The following OSBPL10 variants were observed in gnomAD, a reference collection of about 807,000 sequenced individuals.
OSBPL10 encodes the protein oxysterol binding protein like 10.
A neutral mutation model predicts 81.7 loss-of-function variants in OSBPL10; 49 were observed. The ratio of observed to expected loss-of-function variants is 0.60; its 90% CI spans 0.48 to 0.76. The LOEUF (loss-of-function observed/expected upper bound fraction) is 0.76, where lower values mean the gene tolerates loss of function less well. Ranked by LOEUF, OSBPL10 falls within the 30% of genes least tolerant of loss-of-function variation. The pLI is 0.00. For synonymous variants in OSBPL10, 419 were observed against 383.6 expected (o/e 1.09, Z -1.08); for missense variants, 923 against 987.8 (o/e 0.93, Z 0.88).
chr3:31,770,729 T>C (rs918152614), intron 4 of OSBPL10, among the ~76,000 whole-genome samples: 1 of 152,026 alleles, frequency 6.6e-6, no homozygotes, highest in Non-Finnish European at 1.5e-5. Flanking sequence ...GAGGTTGCGG[T>C]GAACCAAGAT....
At chr3:32,037,348 CT>C (rs1559553186) in intron 2 of OSBPL10, among the ~76,000 whole-genome samples, 1 of 152,160 alleles carries the variant, frequency 6.6e-6, no homozygotes, top group African/African-American at 2.4e-5. Flanking sequence ...AGTTTTGCTT[CT>C]TTCAGAAAGC....
rs1234590800 is a variant in OSBPL10, at chr3:32,065,856, C to T, written n.185+11540G>A. 7.0e-5 allele frequency among the ~76,000 whole-genome samples: 6 copies of T among 85,132 alleles called. 2 individuals carry two copies. The highest frequency in any genetic ancestry group is 1.8e-4 in the African/African-American group (6 of 33,338). The allele number at this position is 85,132 out of a possible 152,430, so 55.8% of individuals were successfully genotyped here. A position where few individuals can be genotyped will look rare whatever the true frequency, so the allele number is the denominator to read the frequency against. On this transcript the variant is annotated intron_variant and non_coding_transcript_variant, in intron 1 of 3. Transcript: ENST00000479173. ...AGTCAGCAGAGACTGCACCACTAGA[C>T]TCCAGCCTGGGCAACGGAGCAAGAG...
chr3:31,896,946 T>C lies in OSBPL10; in HGVS notation c.282-17116A>G, dbSNP rs538144863. Among the ~76,000 whole-genome samples the C allele has an allele frequency of 3.3e-5, 5 of 152,220 alleles. No homozygotes were observed. In the South Asian group the frequency reaches 1.0e-3, roughly 32 times the overall value. ...CGTCATCTCATCTAGGGAGGACAGG[T>C]AGTGCCTGAGCTACTGTCATTCACC... On this transcript the variant is annotated intron_variant, in intron 1 of 11. Transcript: ENST00000396556.
At chr3:31,912,350 G>A (rs1696604645) in intron 1 of OSBPL10, among the ~76,000 whole-genome samples, 1 of 151,266 alleles carries the variant, frequency 6.6e-6, no homozygotes, top group South Asian at 2.1e-4. Context: ...GCCGAGATTT[G>A]CGCCACTGCA....
chr3:31,954,845 G>A (rs1697962069), intron 1 of OSBPL10, among the ~76,000 whole-genome samples: 1 of 152,186 alleles, frequency 6.6e-6, no homozygotes, highest in African/African-American at 2.4e-5. Flanking sequence ...CTATACTAAT[G>A]TCAGCAGTTT....
At position 31,811,551 on chromosome 3, in the gene OSBPL10, T is replaced by C. The variant is rs569766947; in HGVS notation, c.729+18489A>G. ...TATGTGATGGTGCATCCATAGAAAA[T>C]AACACTTTACAGACAGGAAAAAGAA... On this transcript the variant is annotated intron_variant, in intron 4 of 11. Coordinates refer to ENST00000396556, the MANE Select transcript of OSBPL10 (RefSeq NM_017784.5). Among the ~76,000 whole-genome samples the C allele has an allele frequency of 4.6e-5, 7 of 152,200 alleles. No homozygotes were observed. In the South Asian group the frequency reaches 1.4e-3, roughly 32 times the overall value.
intron 1 of OSBPL10, among the ~76,000 whole-genome samples, chr3:31,939,463 A>C (rs1211927804): frequency 2.0e-5 from 3 of 151,404 alleles, no homozygotes; most frequent in African/African-American, 7.3e-5. Context: ...TCTTAAAAAA[A>C]AAAAACAAAA....
intron 4 of OSBPL10, among the ~76,000 whole-genome samples, chr3:31,790,048 T>G (rs1049058681): frequency 6.6e-6 from 1 of 152,176 alleles, no homozygotes; most frequent in Non-Finnish European, 1.5e-5. Context: ...TCCCACCATA[T>G]GAATATTCCT....
chr3:32,066,264 C>G (rs564618024), intron 1 of OSBPL10, among the ~76,000 whole-genome samples: 1 of 91,900 alleles, frequency 1.1e-5, no homozygotes, highest in East Asian at 2.6e-4. Flanking sequence ...TATTATCACC[C>G]TAGCCTGCCT....
chr3:32,044,214 T>A (rs1417735153), intron 2 of OSBPL10, among the ~76,000 whole-genome samples: 1 of 152,034 alleles, frequency 6.6e-6, no homozygotes, highest in Non-Finnish European at 1.5e-5. Context: ...ACAAAATATA[T>A]TGTATTAATT....
chr3:31,788,946 C>T (rs996031826), intron 4 of OSBPL10, among the ~76,000 whole-genome samples: 2 of 151,904 alleles, frequency 1.3e-5, no homozygotes, highest in African/African-American at 4.8e-5. Flanking sequence ...ATACTTCCTT[C>T]CTGGATGTTT....
chr3:31,880,361 G>A (rs973854174), intron 1 of OSBPL10, among the ~76,000 whole-genome samples: 1 of 152,176 alleles, frequency 6.6e-6, no homozygotes, highest in Non-Finnish European at 1.5e-5. Flanking sequence ...ATCTGGACAC[G>A]CTCTAGCAGG....
intron 2 of OSBPL10, among the ~76,000 whole-genome samples, chr3:32,026,038 AGATAGATAGATAGATAGAT>A (rs1559551409): frequency 3.2e-5 from 4 of 123,740 alleles, no homozygotes; most frequent in African/African-American, 1.0e-4. Flanking sequence ...ATAGATAGAT[AGATAGATAGATAGATAGAT>A]GATAGATAGA....
chr3:31,834,696 T>C (rs940829988), intron 3 of OSBPL10, among the ~76,000 whole-genome samples: 29 of 152,194 alleles, frequency 1.9e-4, no homozygotes, highest in Middle Eastern at 3.2e-3. Flanking sequence ...AAAGAATCTG[T>C]CCAATCAAGG....
At chr3:32,010,584 GACAGTGGGTGCAGA>G (rs1221118734) in intron 2 of OSBPL10, among the ~76,000 whole-genome samples, 1 of 152,186 alleles carries the variant, frequency 6.6e-6, no homozygotes, top group Non-Finnish European at 1.5e-5. Flanking sequence ...GGGATTGTCG[GACAGTGGGTGCAGA>G]ACAGTGGGTG....
At chr3:32,015,999 G>A (rs961657444) in intron 2 of OSBPL10, among the ~76,000 whole-genome samples, 1 of 152,178 alleles carries the variant, frequency 6.6e-6, no homozygotes, top group South Asian at 2.1e-4. Flanking sequence ...CTGTTGGTGG[G>A]ACTGTAAACT....
chr3:32,051,233 T>G (rs940732591), intron 1 of OSBPL10, among the ~76,000 whole-genome samples: 16 of 152,218 alleles, frequency 1.1e-4, no homozygotes, highest in African/African-American at 3.6e-4. Context: ...ACAGACTCCA[T>G]TTTGGGAAAA....
At chr3:31,941,545 G>T (rs949469763) in intron 1 of OSBPL10, among the ~76,000 whole-genome samples, 1 of 152,176 alleles carries the variant, frequency 6.6e-6, no homozygotes, top group Non-Finnish European at 1.5e-5. Flanking sequence ...ATCAAGTCTA[G>T]ACACCTCAAA....
At chr3:31,890,928 G>A (rs938552426) in intron 1 of OSBPL10, among the ~76,000 whole-genome samples, 13 of 151,952 alleles carry the variant, frequency 8.6e-5, no homozygotes, top group African/African-American at 1.7e-4. Context: ...TGAAAGTCAC[G>A]CTGAAAAAAT....
Sources: gnomAD v4.1 joint callset for allele counts (sites outside exome capture counted in the v4.1 genomes callset) on GRCh38, gnomAD v4.1.1 for gene constraint, MANE v1.5 for transcripts, NCBI Gene and HGNC (gene_info 2026-07-23, HGNC 2026-07-21) for gene names.